Variants in TMEFF1 observed in about 807,000 individuals in gnomAD.
TMEFF1 encodes the protein transmembrane protein with EGF like and two follistatin like domains 1.
Under a neutral mutation model 47.5 loss-of-function variants are expected in TMEFF1, and 20 were observed. The ratio of observed to expected loss-of-function variants is 0.42; its 90% CI spans 0.30 to 0.61. The LOEUF (loss-of-function observed/expected upper bound fraction) is 0.61. Ranked by LOEUF, TMEFF1 falls within the 20% of genes least tolerant of loss-of-function variation. The pLI is 0.19. For missense variants in TMEFF1, 411 were observed against 471.1 expected (o/e 0.87, Z 1.18); for synonymous variants, 162 against 166.3 (o/e 0.97, Z 0.20).
In TMEFF1 at chr9:100,576,934, A is replaced by G. The variant is rs1197245144; in HGVS notation, c.*334A>G. 5.6e-5 allele frequency: 10 copies of G among 180,138 alleles called. No individual in the cohort carries two copies. Among genetic ancestry groups the G allele is most frequent in the Non-Finnish European group, 1.0e-4 (9 of 85,888 alleles). The allele number at this position is 180,138 out of a possible 1,614,324, so 11.2% of individuals were successfully genotyped here. On this transcript the variant is annotated 3_prime_UTR_variant, in exon 10 of 10. Coordinates refer to ENST00000374879, the MANE Select transcript of TMEFF1 (RefSeq NM_003692.5). ...CACTTCTTCCACAATGACCACAGCA[A>G]ATGACCAAGCATGAACTAAAGGTAA...
intron 4 of TMEFF1, among the ~76,000 whole-genome samples, chr9:100,513,925 GA>G (rs1838015758): frequency 6.6e-6 from 1 of 152,046 alleles, no homozygotes; most frequent in Non-Finnish European, 1.5e-5. Context: ...CTATGTTTTT[GA>G]TTTTATTTTA....
intron 1 of TMEFF1, among the ~76,000 whole-genome samples, chr9:100,495,251 T>C (rs1455735039): frequency 6.6e-6 from 1 of 152,218 alleles, no homozygotes; most frequent in East Asian, 1.9e-4. Flanking sequence ...TTCTTTCCTG[T>C]CTTTTACTAT....
chr9:100,486,548 T>A (rs1319660328), intron 1 of TMEFF1, among the ~76,000 whole-genome samples: 4 of 152,222 alleles, frequency 2.6e-5, no homozygotes, highest in Non-Finnish European at 5.9e-5. Context: ...GGCCTGAACT[T>A]TTAAAAAAAT....
rs760682507 is a variant in TMEFF1, at chr9:100,576,563, G to C, written c.1106G>C (p.Gly369Ala). Residue 369 changes from glycine to alanine, a missense_variant, in exon 10 of 10, where the codon GGT becomes GCT. Gly to Ala is a moderately conservative substitution (Grantham distance 60). Transcript: ENST00000374879. ...NRGRRQKQNL[G>A]HFTSDTSSRM... ...GGACGTCGACAGAAGCAAAACCTAG[G>C]TCATTTTACTTCAGATACGTCATCC... 6.2e-7 allele frequency: 1 copy of C among 1,613,052 alleles called. No homozygotes were observed. Among genetic ancestry groups the C allele is most frequent in the East Asian group, 2.2e-5 (1 of 44,802 alleles).
intron 1 of TMEFF1, among the ~76,000 whole-genome samples, chr9:100,486,041 T>C (rs1039128781): frequency 2.4e-4 from 35 of 148,640 alleles, no homozygotes; most frequent in African/African-American, 7.6e-4. Context: ...CTCTCTCTCT[T>C]TTTTTTTTTT....
chr9:100,496,958 A>G (rs1008691367), intron 1 of TMEFF1, among the ~76,000 whole-genome samples: 2 of 152,202 alleles, frequency 1.3e-5, no homozygotes, highest in East Asian at 3.8e-4. Context: ...GATATTGTAC[A>G]TTCTTACCCT....
At chr9:100,567,948 G>A (rs934387843) in intron 8 of TMEFF1, among the ~76,000 whole-genome samples, 4 of 152,160 alleles carry the variant, frequency 2.6e-5, no homozygotes, top group Non-Finnish European at 5.9e-5. Flanking sequence ...GAGAGGGCCT[G>A]TGCAGCAAAA....
chr9:100,550,153 T>C lies in TMEFF1; in HGVS notation c.768T>C (p.Asp256=), dbSNP rs1395755530. 1 of 1,612,330 alleles carries C rather than the reference T, an allele frequency of 6.2e-7. No individual in the cohort carries two copies. The highest frequency in any genetic ancestry group is 1.1e-5 in the South Asian group (1 of 90,674). ...ATGATGGACTACAATATCGACCAGA[T>C]GTGAAAGGTACTGAATCATGCATCT... ...KKDDGLQYRP[D]VKDASDQRED... is the part of the protein sequence containing the mutation. Residue 256 remains aspartate (D), a synonymous_variant, in exon 7 of 10, where the codon GAT becomes GAC. Transcript: ENST00000374879.
chr9:100,535,639 C>T (rs926794229), intron 5 of TMEFF1, among the ~76,000 whole-genome samples: 6 of 152,204 alleles, frequency 3.9e-5, no homozygotes, highest in South Asian at 2.1e-4. Flanking sequence ...GGCATGATGG[C>T]ATGTGCCTGT....
chr9:100,474,141 G>GTT (rs1371294580), intron 1 of TMEFF1, among the ~76,000 whole-genome samples: 4 of 150,162 alleles, frequency 2.7e-5, no homozygotes, highest in Non-Finnish European at 5.9e-5. Context: ...GTGTGTGTGT[G>GTT]TGCAGAGTGC....
intron 4 of TMEFF1, among the ~76,000 whole-genome samples, chr9:100,515,700 C>T (rs1838056316): frequency 6.6e-6 from 1 of 151,898 alleles, no homozygotes; most frequent in South Asian, 2.1e-4. Context: ...GCAGGAGAAT[C>T]ACTTGAACCC....
intron 1 of TMEFF1, among the ~76,000 whole-genome samples, chr9:100,488,505 C>T (rs934333488): frequency 3.9e-5 from 6 of 152,148 alleles, no homozygotes; most frequent in Admixed American, 3.9e-4. Context: ...GGTTGTGCCA[C>T]TATGTACTTC....
At chr9:100,531,538 A>G (rs1331267810) in intron 5 of TMEFF1, among the ~76,000 whole-genome samples, 6 of 152,136 alleles carry the variant, frequency 3.9e-5, no homozygotes, top group Non-Finnish European at 7.4e-5. Flanking sequence ...AAGGGATGTG[A>G]AGGACCTCTT....
At chr9:100,554,745 A>G (rs572825786) in intron 7 of TMEFF1, among the ~76,000 whole-genome samples, 103 of 151,742 alleles carry the variant, frequency 6.8e-4, no homozygotes, top group African/African-American at 2.3e-3. Context: ...GTGGAGGGAT[A>G]TGTTAGTGGC....
At chr9:100,544,854 G>A (rs1838701707) in intron 5 of TMEFF1, among the ~76,000 whole-genome samples, 2 of 152,234 alleles carry the variant, frequency 1.3e-5, no homozygotes, top group South Asian at 4.1e-4. Flanking sequence ...AAAACAAAGG[G>A]GCTATAGGCC....
At chr9:100,537,766 T>TTG (rs1838547736) in intron 5 of TMEFF1, among the ~76,000 whole-genome samples, 1 of 152,210 alleles carries the variant, frequency 6.6e-6, no homozygotes, top group South Asian at 2.1e-4. Context: ...TTCTCTGCAT[T>TTG]TGTCTGCGCC....
intron 1 of TMEFF1, among the ~76,000 whole-genome samples, chr9:100,497,320 CTTTTTTT>C (rs752427622): frequency 2.2e-4 from 13 of 59,546 alleles, no homozygotes; most frequent in African/African-American, 7.5e-4. Flanking sequence ...CCACTCATGT[CTTTTTTT>C]TTTTTTTTTT....
intron 5 of TMEFF1, among the ~76,000 whole-genome samples, chr9:100,517,466 G>A (rs965888993): frequency 2.0e-5 from 3 of 152,028 alleles, no homozygotes; most frequent in East Asian, 1.9e-4. Flanking sequence ...TATTCAGCCC[G>A]TAACTGCATA....
At chr9:100,524,525 G>T (rs1838221522) in intron 5 of TMEFF1, among the ~76,000 whole-genome samples, 1 of 152,194 alleles carries the variant, frequency 6.6e-6, no homozygotes, top group East Asian at 1.9e-4. Context: ...ACAGGGTCAT[G>T]GAGAACGTAG....
Sources: gnomAD v4.1 joint callset for allele counts (sites outside exome capture counted in the v4.1 genomes callset) on GRCh38, gnomAD v4.1.1 for gene constraint, MANE v1.5 for transcripts, NCBI Gene and HGNC (gene_info 2026-07-23, HGNC 2026-07-21) for gene names.